Variants in MANEA observed in about 807,000 individuals in gnomAD.
MANEA encodes glycoprotein endo-alpha-1,2-mannosidase.
Under a neutral mutation model 36.8 loss-of-function variants are expected in MANEA, and 25 were observed. That is an observed-to-expected ratio of 0.68 (90% confidence interval 0.50 to 0.95). The LOEUF (loss-of-function observed/expected upper bound fraction) is 0.95, where lower values mean the gene tolerates loss of function less well. Ranked by LOEUF, MANEA falls within the 40% of genes least tolerant of loss-of-function variation. The pLI is 0.00. For synonymous variants in MANEA, 198 were observed against 188.5 expected, an observed-to-expected ratio of 1.05 and a Z score of -0.41; for missense variants, 565 against 558.8, an observed-to-expected ratio of 1.01 and a Z score of -0.11.
intron 1 of MANEA, among the ~76,000 whole-genome samples, chr6:95,577,938 G>A (rs549658217): frequency 1.3e-5 from 2 of 152,362 alleles, no homozygotes; most frequent in South Asian, 4.1e-4. Flanking sequence ...CCTCCTCTTT[G>A]AAACGGTACC....
At chr6:95,580,877 A>G (rs1769167000) in intron 1 of MANEA, among the ~76,000 whole-genome samples, 1 of 152,190 alleles carries the variant, frequency 6.6e-6, no homozygotes. Context: ...TGGTATTTCA[A>G]TAGTTGGTCA....
intron 1 of MANEA, among the ~76,000 whole-genome samples, chr6:95,581,044 A>T (rs1769170332): frequency 6.6e-6 from 1 of 152,328 alleles, no homozygotes; most frequent in South Asian, 2.1e-4. Context: ...TTTCATCCTC[A>T]CAAAAATCCT....
chr6:95,605,828 A>G lies in MANEA; in HGVS notation c.812A>G (p.Tyr271Cys), dbSNP rs756133616. ...ALPMFYVYDS[Y>C]ITKPEKWANL... ...CCTATGTTTTATGTCTATGATTCCT[A>G]TATTACCAAGCCTGAAAAATGGGCC... is the stretch of plus-strand genomic sequence containing the variant. The change falls in exon 5 of 5, where the codon TAT becomes TGT. Residue 271 changes from tyrosine to cysteine, a missense_variant. By Grantham distance (194) the Tyr-to-Cys change is radical. Transcript: ENST00000358812. 1.9e-6 allele frequency: 3 copies of G among 1,613,802 alleles called. No homozygotes were observed. The highest frequency in any genetic ancestry group is 1.1e-5 in the South Asian group (1 of 91,068).
chr6:95,585,708 A>C (rs1301930294), intron 1 of MANEA, among the ~76,000 whole-genome samples: 1 of 152,082 alleles, frequency 6.6e-6, no homozygotes, highest in East Asian at 1.9e-4. Flanking sequence ...ATTCTATTTC[A>C]CTTCAAAATG....
Position 95,598,597 on chromosome 6 carries a change from G to T in MANEA, c.654+1751G>T, listed in dbSNP as rs376570407. 1.2e-4 allele frequency among the ~76,000 whole-genome samples: 19 copies of T among 152,240 alleles called. No individual in the cohort carries two copies. The South Asian group carries it at 2.3e-3, about 18-fold the overall frequency. ...TTTTGACATAAATCTTGGCAATGAC[G>T]TGTTAATACTTCTGTCCCATTCTGT... On this transcript the variant is annotated intron_variant, in intron 3 of 4. Coordinates refer to ENST00000358812, the MANE Select transcript of MANEA (RefSeq NM_024641.4).
chr6:95,599,266 A>G (rs1470769517), intron 3 of MANEA, among the ~76,000 whole-genome samples: 2 of 152,068 alleles, frequency 1.3e-5, no homozygotes, highest in Admixed American at 6.6e-5. Context: ...TTCAAACACT[A>G]TATCTGATGG....
chr6:95,579,871 T>A (rs2127936654), intron 1 of MANEA, among the ~76,000 whole-genome samples: 1 of 152,266 alleles, frequency 6.6e-6, no homozygotes, highest in East Asian at 1.9e-4. Context: ...ATGTAAACAG[T>A]CTTTTGAGGA....
chr6:95,584,044 T>A (rs1466359658), intron 1 of MANEA, among the ~76,000 whole-genome samples: 4 of 152,168 alleles, frequency 2.6e-5, no homozygotes, highest in Non-Finnish European at 4.4e-5. Flanking sequence ...AAGAATACTC[T>A]TATAATTTCT....
intron 2 of MANEA, among the ~76,000 whole-genome samples, chr6:95,588,865 A>G (rs1399718494): frequency 6.6e-6 from 1 of 151,652 alleles, no homozygotes; most frequent in African/African-American, 2.4e-5. Context: ...TATTTTTGGT[A>G]TAGTTTGTGA....
intron 2 of MANEA, chr6:95,587,198 G>T: frequency 2.1e-6 from 1 of 474,318 alleles, no homozygotes; most frequent in Non-Finnish European, 3.8e-6. Flanking sequence ...ACATTTTGGA[G>T]CATTTCTGGA....
At chr6:95,587,317 C>A in intron 2 of MANEA, 1 of 269,940 alleles carries the variant, frequency 3.7e-6, no homozygotes, top group South Asian at 8.0e-5. Flanking sequence ...TGATGTTACT[C>A]AAAAGTATAT....
At chr6:95,584,996 C>G (rs1409430778) in intron 1 of MANEA, among the ~76,000 whole-genome samples, 1 of 152,146 alleles carries the variant, frequency 6.6e-6, no homozygotes, top group African/African-American at 2.4e-5. Flanking sequence ...TCTATAATAA[C>G]AGCACCGTAT....
rs67335804 is a variant in MANEA, at chr6:95,601,716, A to ATTTTTTTTTTTTTTTTTTTTTTTT, written c.655-3106_655-3083dup. Among the ~76,000 whole-genome samples, 48 of 64,988 alleles carry ATTTTTTTTTTTTTTTTTTTTTTTT rather than the reference A, an allele frequency of 7.4e-4. 3 individuals are homozygous for ATTTTTTTTTTTTTTTTTTTTTTTT. The highest frequency in any genetic ancestry group is 9.7e-4 in the Non-Finnish European group (36 of 37,292). 42.6% of individuals were successfully genotyped at this position (64,988 alleles called of 152,430 possible). On this transcript the variant is annotated intron_variant, in intron 3 of 4. Coordinates refer to ENST00000358812, the MANE Select transcript of MANEA (RefSeq NM_024641.4). ...AAAAGAAAATTAGGCAGATTCAGTG[A>ATTTTTTTTTTTTTTTTTTTTTTTT]TTTTTTTTTTTTTTTTTTTTTTTTT...
At chr6:95,584,072 A>C (rs2127938312) in intron 1 of MANEA, among the ~76,000 whole-genome samples, 1 of 152,290 alleles carries the variant, frequency 6.6e-6, no homozygotes, top group East Asian at 1.9e-4. Context: ...GTCTTACTTT[A>C]ATCTCTTAAT....
chr6:95,604,964 G>A (rs562031242), intron 4 of MANEA, 61 bp downstream of exon 4: 2 of 560,180 alleles, frequency 3.6e-6, no homozygotes, highest in Non-Finnish European at 6.0e-6. Flanking sequence ...ATTGTTTTAA[G>A]AATAGTACAT....
chr6:95,606,835 A>G lies in MANEA; in HGVS notation c.*430A>G, dbSNP rs977384419. On this transcript the variant is annotated 3_prime_UTR_variant, in exon 5 of 5. Coordinates refer to ENST00000358812, the MANE Select transcript of MANEA (RefSeq NM_024641.4). ...AGAAAACCCCTTAAAGATAATGTAC[A>G]TGCTTCATGTCATGTCTTTAAAATA... The G allele has an allele frequency of 6.6e-6, 1 of 152,386 alleles. No individual in the cohort carries two copies. The highest frequency in any genetic ancestry group is 2.4e-5 in the African/African-American group (1 of 41,444). The allele number at this position is 152,386 out of a possible 1,614,324, so 9.4% of individuals were successfully genotyped here.
chr6:95,598,000 C>CT (rs1311498742), intron 3 of MANEA, among the ~76,000 whole-genome samples: 1 of 151,666 alleles, frequency 6.6e-6, no homozygotes, highest in Non-Finnish European at 1.5e-5. Flanking sequence ...TTATATCAGT[C>CT]TATTTAAAAT....
Position 95,605,918 on chromosome 6 carries a change from C to T in MANEA, c.902C>T (p.Ala301Val). ...TCTCCTTATGATGGACTGTTTATTG[C>T]CCTTCTGGTAGAAGAAAAACATAAG... Reference protein sequence around the residue: ...RNSPYDGLFIALLVEEKHKYD... With the variant: ...RNSPYDGLFIVLLVEEKHKYD... The change falls in exon 5 of 5, where the codon GCC becomes GTC. Residue 301 changes from alanine to valine, a missense_variant. Transcript: ENST00000358812. 1.9e-6 allele frequency: 3 copies of T among 1,613,862 alleles called. No individual in the cohort carries two copies. The highest frequency in any genetic ancestry group is 2.5e-6 in the Non-Finnish European group (3 of 1,179,918).
Position 95,604,016 on chromosome 6 carries a change from C to CAT in MANEA, c.655-799_655-798dup, listed in dbSNP as rs533005411. On this transcript the variant is annotated intron_variant, in intron 3 of 4. Coordinates refer to ENST00000358812, the MANE Select transcript of MANEA (RefSeq NM_024641.4). ...TTGTAATTACTGCTCTCTATGTTTACATATATATATATAATGTATGTATGT... is the reference window on the plus strand; with the variant it reads ...TTGTAATTACTGCTCTCTATGTTTACATATATATATATATAATGTATGTATGT... Among the ~76,000 whole-genome samples the CAT allele has an allele frequency of 9.3e-3, 1,303 of 139,442 alleles. 10 individuals carry two copies. The highest frequency in any genetic ancestry group is 0.024 in the Middle Eastern group (6 of 246). 91.5% of individuals were successfully genotyped at this position (139,442 alleles called of 152,430 possible). A position where few individuals can be genotyped will look rare whatever the true frequency, so the allele number is the denominator to read the frequency against.
Sources: gnomAD v4.1 joint callset for allele counts (sites outside exome capture counted in the v4.1 genomes callset) on GRCh38, gnomAD v4.1.1 for gene constraint, MANE v1.5 for transcripts, NCBI Gene and HGNC (gene_info 2026-07-23, HGNC 2026-07-21) for gene names.